The following TMEFF2 variants were observed in gnomAD, a reference collection of about 807,000 sequenced individuals.
The protein encoded by TMEFF2 is transmembrane protein with EGF like and two follistatin like domains 2, also known as tomoregulin-2.
Under a neutral mutation model 53.8 loss-of-function variants are expected in TMEFF2, and 28 were observed. The observed-to-expected ratio is 0.52, with a 90% CI of 0.39 to 0.71. The LOEUF is 0.71. TMEFF2 is among the 30% of genes least tolerant of loss of function. TMEFF2 has a pLI of 0.00. For synonymous variants in TMEFF2, 162 were observed against 166.3 expected, an observed-to-expected ratio of 0.97 and a Z score of 0.20; for missense variants, 353 against 455.2, an observed-to-expected ratio of 0.78 and a Z score of 2.04.
chr2:192,067,641 C>T (rs1010262689), intron 4 of TMEFF2, among the ~76,000 whole-genome samples: 1 of 151,788 alleles, frequency 6.6e-6, no homozygotes, highest in Non-Finnish European at 1.5e-5. Flanking sequence ...TTAACTTACA[C>T]TTCTGTATGT....
intron 2 of TMEFF2, among the ~76,000 whole-genome samples, chr2:192,187,075 G>A (rs999946589): frequency 3.9e-5 from 6 of 152,114 alleles, no homozygotes; most frequent in African/African-American, 1.4e-4. Flanking sequence ...TTGGCCCTTA[G>A]TATCAAGACT....
At chr2:192,007,610 T>C (rs1203721198) in intron 5 of TMEFF2, among the ~76,000 whole-genome samples, 1 of 152,140 alleles carries the variant, frequency 6.6e-6, no homozygotes, top group East Asian at 1.9e-4. Flanking sequence ...TCTAGACAGA[T>C]TGCAAAGGGC....
At chr2:191,976,308 A>C (rs1053200697) in intron 7 of TMEFF2, among the ~76,000 whole-genome samples, 1 of 152,236 alleles carries the variant, frequency 6.6e-6, no homozygotes, top group African/African-American at 2.4e-5. Flanking sequence ...ATCCATATAA[A>C]ACCCTCAGCA....
chr2:192,058,969 TTTC>T (rs1687981017), intron 4 of TMEFF2, among the ~76,000 whole-genome samples: 2 of 147,940 alleles, frequency 1.4e-5, no homozygotes, highest in Admixed American at 6.9e-5. Context: ...TTTCTCTTCA[TTTC>T]TTTTTTGTTT....
At chr2:192,128,699 C>T (rs1484922492) in intron 4 of TMEFF2, among the ~76,000 whole-genome samples, 1 of 152,136 alleles carries the variant, frequency 6.6e-6, no homozygotes, top group East Asian at 1.9e-4. Flanking sequence ...TCTTTAAAAA[C>T]AGTATGATGA....
intron 5 of TMEFF2, among the ~76,000 whole-genome samples, chr2:192,023,078 T>C (rs1028382091): frequency 6.6e-6 from 1 of 152,150 alleles, no homozygotes; most frequent in African/African-American, 2.4e-5. Context: ...AATATGCAAG[T>C]TGTACGGATT....
At chr2:191,968,666 T>A (rs1692536820) in intron 7 of TMEFF2, among the ~76,000 whole-genome samples, 1 of 152,162 alleles carries the variant, frequency 6.6e-6, no homozygotes, top group Non-Finnish European at 1.5e-5. Context: ...ATTATATTGG[T>A]TTCTTTACTG....
rs772576893 is a variant in TMEFF2 at position 192,194,302 on chromosome 2, G to A, written c.172+51C>T. ...GGGTAGGCTGGTCTGTGCTGGATAC[G>A]CGTGTTCTTCTGCGGAGTTAAAGGG... On this transcript the variant is annotated intron_variant, in intron 1 of 9. Transcript: ENST00000272771. The surrounding 1 kb of genome is among the most constrained non-coding windows in gnomAD (Gnocchi z 4.2). 1.1e-5 allele frequency: 18 copies of A among 1,602,728 alleles called. No individual in the cohort carries two copies. Among genetic ancestry groups the A allele is most frequent in the African/African-American group, 4.0e-5 (3 of 74,782 alleles).
intron 7 of TMEFF2, among the ~76,000 whole-genome samples, chr2:191,983,491 C>T (rs1223405435): frequency 6.6e-6 from 1 of 151,480 alleles, no homozygotes; most frequent in Non-Finnish European, 1.5e-5. Context: ...GAACTTTAGT[C>T]ACCTAAAAGC....
chr2:192,112,333 A>G (rs1266917713), intron 4 of TMEFF2, among the ~76,000 whole-genome samples: 3 of 152,204 alleles, frequency 2.0e-5, no homozygotes, highest in Non-Finnish European at 2.9e-5. Context: ...GATGTGAGAC[A>G]TGGAGTCAAA....
intron 4 of TMEFF2, among the ~76,000 whole-genome samples, chr2:192,142,568 G>A (rs1385140901): frequency 6.6e-6 from 1 of 152,080 alleles, no homozygotes; most frequent in African/African-American, 2.4e-5. Flanking sequence ...TGGAATTATG[G>A]ACTGGAATTA....
chr2:191,996,409 T>A (rs1466404986), intron 7 of TMEFF2, among the ~76,000 whole-genome samples: 1 of 151,836 alleles, frequency 6.6e-6, no homozygotes, highest in Admixed American at 6.6e-5. Context: ...AAAATAGGAG[T>A]AAAGGTATTT....
At chr2:192,109,277 T>A (rs1369097624) in intron 4 of TMEFF2, among the ~76,000 whole-genome samples, 1 of 152,094 alleles carries the variant, frequency 6.6e-6, no homozygotes, top group African/African-American at 2.4e-5. Flanking sequence ...GATCCTTTAT[T>A]GATTTTTAAA....
intron 3 of TMEFF2, 28 bp downstream of exon 3, chr2:192,184,326 A>T: frequency 6.2e-7 from 1 of 1,610,818 alleles, no homozygotes; most frequent in Non-Finnish European, 8.5e-7. Context: ...ATCCATGCAG[A>T]AGGTTTCAAA....
At chr2:192,066,893 T>G (rs536014720) in intron 4 of TMEFF2, among the ~76,000 whole-genome samples, 1 of 152,074 alleles carries the variant, frequency 6.6e-6, no homozygotes, top group African/African-American at 2.4e-5. Context: ...ATAATTTATT[T>G]GAATCATTTT....
chr2:191,964,392 TTCTTTCTC>T (rs1559063704), intron 7 of TMEFF2, among the ~76,000 whole-genome samples: 233 of 42,630 alleles, frequency 5.5e-3, no homozygotes, highest in African/African-American at 0.02. Flanking sequence ...CTTTCTTTCT[TTCTTTCTC>T]TTTCTTTCTT....
At chr2:192,045,424 A>G (rs1221397290) in intron 5 of TMEFF2, among the ~76,000 whole-genome samples, 1 of 152,236 alleles carries the variant, frequency 6.6e-6, no homozygotes, top group Non-Finnish European at 1.5e-5. Flanking sequence ...GTATGTGGAT[A>G]GATCTCTCTC....
intron 4 of TMEFF2, among the ~76,000 whole-genome samples, chr2:192,081,478 T>A (rs1442562699): frequency 1.3e-5 from 2 of 152,198 alleles, no homozygotes; most frequent in Admixed American, 6.5e-5. Context: ...ATTTGTTAAA[T>A]TCATATACCT....
chr2:192,100,603 C>T (rs1420280855), intron 4 of TMEFF2, among the ~76,000 whole-genome samples: 1 of 152,046 alleles, frequency 6.6e-6, no homozygotes, highest in Non-Finnish European at 1.5e-5. Flanking sequence ...AACAAACAAA[C>T]CAAAAACCAA....
Sources: allele counts gnomAD v4.1 joint callset (sites outside exome capture counted in the v4.1 genomes callset), GRCh38; gene constraint gnomAD v4.1.1; non-coding constraint Gnocchi (gnomAD v3.1); transcripts MANE v1.5; gene names NCBI Gene and HGNC (gene_info 2026-07-23, HGNC 2026-07-21).